SORCS3: variants seen among roughly 807,000 people sequenced by gnomAD.
SORCS3 encodes VPS10 domain-containing receptor SorCS3.
A neutral mutation model predicts 146.3 loss-of-function variants in SORCS3; 57 were observed. The ratio of observed to expected loss-of-function variants is 0.39; its 90% confidence interval spans 0.31 to 0.49. SORCS3 has a LOEUF of 0.49. Ranked by LOEUF, SORCS3 falls within the 20% of genes least tolerant of loss-of-function variation. The probability of loss-of-function intolerance (pLI) is 0.92; values close to 1 mark genes in which losing one functional copy is unlikely to be tolerated. For synonymous variants in SORCS3, 653 were observed against 618.5 expected (o/e 1.06, Z -0.83); for missense variants, 1,341 against 1,575.5 (o/e 0.85, Z 2.52).
chr10:105,025,010 C>T (rs911963460), intron 4 of SORCS3, among the ~76,000 whole-genome samples: 19 of 152,044 alleles, frequency 1.2e-4, no homozygotes, highest in African/African-American at 3.1e-4. Flanking sequence ...GCTGCTGTAC[C>T]GGGAGAACTA....
At chr10:105,067,608 T>C (rs1464438932) in intron 5 of SORCS3, among the ~76,000 whole-genome samples, 1 of 152,246 alleles carries the variant, frequency 6.6e-6, no homozygotes, top group Admixed American at 6.5e-5. Flanking sequence ...TGCTAAATTG[T>C]ATGAAATTAG....
chr10:105,238,302 A>G (rs976884622), intron 20 of SORCS3, among the ~76,000 whole-genome samples: 3 of 152,218 alleles, frequency 2.0e-5, no homozygotes, highest in Admixed American at 6.5e-5. Context: ...CATGTAATCT[A>G]TTTGAGAATA....
chr10:105,124,216 A>G (rs1374459447), intron 7 of SORCS3, among the ~76,000 whole-genome samples: 2 of 152,228 alleles, frequency 1.3e-5, no homozygotes, highest in Admixed American at 1.3e-4. Flanking sequence ...CTGTACAAGC[A>G]CTTGGTCTGG....
At chr10:105,231,742 A>G (rs2056766644) in intron 20 of SORCS3, among the ~76,000 whole-genome samples, 1 of 152,148 alleles carries the variant, frequency 6.6e-6, no homozygotes, top group African/African-American at 2.4e-5. Flanking sequence ...ATTGTGTTAA[A>G]TGCTTTTTCT....
intron 11 of SORCS3, among the ~76,000 whole-genome samples, chr10:105,162,990 A>G (rs1234256320): frequency 6.6e-6 from 1 of 151,956 alleles, no homozygotes; most frequent in Non-Finnish European, 1.5e-5. Flanking sequence ...ATTTCCCTTT[A>G]CTTTCCTTAC....
intron 2 of SORCS3, among the ~76,000 whole-genome samples, chr10:104,903,070 A>G (rs2018868540): frequency 1.3e-5 from 2 of 152,202 alleles, no homozygotes; most frequent in South Asian, 4.1e-4. Flanking sequence ...AGTAGAGTGC[A>G]TAGAACTTGG....
intron 1 of SORCS3, among the ~76,000 whole-genome samples, chr10:104,838,448 T>C (rs2018097470): frequency 6.6e-6 from 1 of 151,882 alleles, no homozygotes; most frequent in African/African-American, 2.4e-5. Flanking sequence ...GCTCTTGGTT[T>C]TGTTTGCTTG....
intron 2 of SORCS3, among the ~76,000 whole-genome samples, chr10:104,868,889 T>G (rs1009814831): frequency 8.5e-5 from 13 of 152,216 alleles, no homozygotes; most frequent in African/African-American, 2.7e-4. Flanking sequence ...AGTTGTTGAT[T>G]AGGTGTATCC....
At chr10:105,229,955 C>T (rs971913695) in intron 20 of SORCS3, among the ~76,000 whole-genome samples, 11 of 152,122 alleles carry the variant, frequency 7.2e-5, no homozygotes, top group Non-Finnish European at 1.3e-4. Flanking sequence ...CCCTCTGTGT[C>T]TTGAGCAGTT....
At chr10:105,100,280 T>C (rs1383502129) in intron 6 of SORCS3, among the ~76,000 whole-genome samples, 1 of 152,186 alleles carries the variant, frequency 6.6e-6, no homozygotes, top group Non-Finnish European at 1.5e-5. Flanking sequence ...CATTTAGAAA[T>C]ATATTAAGCA....
intron 12 of SORCS3, 139 bp from the exon 13 acceptor site, chr10:105,167,119 C>T: frequency 3.2e-6 from 2 of 623,282 alleles, no homozygotes; most frequent in Non-Finnish European, 5.5e-6. Flanking sequence ...GGAGATAATA[C>T]TTGCAAAAAC....
chr10:104,962,237 G>A (rs2054800517), intron 3 of SORCS3, among the ~76,000 whole-genome samples: 1 of 152,010 alleles, frequency 6.6e-6, no homozygotes. Context: ...GCAAAGATAG[G>A]AATGTTGCAG....
At chr10:104,945,874 TC>T (rs1342208617) in intron 3 of SORCS3, among the ~76,000 whole-genome samples, 2 of 152,062 alleles carry the variant, frequency 1.3e-5, no homozygotes, top group Non-Finnish European at 2.9e-5. Context: ...AGTTAACACT[TC>T]CAGGTGCTGT....
At chr10:105,016,155 A>ATATATATATATATATATATATATAT (rs71482443) in intron 4 of SORCS3, among the ~76,000 whole-genome samples, 9 of 101,314 alleles carry the variant, frequency 8.9e-5, no homozygotes, top group African/African-American at 4.4e-4. Flanking sequence ...ATATATATAT[A>ATATATATATATATATATATATATAT]TTTTTTTTTT....
chr10:104,833,874 G>A (rs974348656), intron 1 of SORCS3, among the ~76,000 whole-genome samples: 6 of 152,114 alleles, frequency 3.9e-5, no homozygotes, highest in South Asian at 2.1e-4. Flanking sequence ...TAGGCATTTC[G>A]AAATTAATGT....
chr10:105,023,068 T>G (rs1422257692), intron 4 of SORCS3, among the ~76,000 whole-genome samples: 3 of 152,142 alleles, frequency 2.0e-5, no homozygotes. Context: ...ACCTGCCTCT[T>G]CTCAGGCTCA....
chr10:105,186,662 C>T (rs1350052937), intron 14 of SORCS3, among the ~76,000 whole-genome samples: 1 of 152,026 alleles, frequency 6.6e-6, no homozygotes, highest in African/African-American at 2.4e-5. Flanking sequence ...GTGGGCAGAT[C>T]ACCTGAGGTC....
intron 1 of SORCS3, among the ~76,000 whole-genome samples, chr10:104,725,561 C>T (rs960996964): frequency 1.3e-5 from 2 of 152,124 alleles, no homozygotes; most frequent in African/African-American, 4.8e-5. Flanking sequence ...TTGGCTATGC[C>T]CTGCCCCTAG....
At chr10:104,909,788 G>GT (rs11462193) in intron 2 of SORCS3, among the ~76,000 whole-genome samples, 30,052 of 138,790 alleles carry the variant, frequency 0.22, 7,036 homozygotes, top group African/African-American at 0.59. Context: ...TGTCTTTTCT[G>GT]TTTTTTTTTT....
Sources: allele counts gnomAD v4.1 joint callset (sites outside exome capture counted in the v4.1 genomes callset), GRCh38; gene constraint gnomAD v4.1.1; transcripts MANE v1.5; gene names NCBI Gene and HGNC (gene_info 2026-07-23, HGNC 2026-07-21).